The following SEZ6L variants were observed in gnomAD, a reference collection of about 807,000 sequenced individuals.
The protein encoded by SEZ6L is seizure 6-like protein.
A neutral mutation model predicts 106.2 loss-of-function variants in SEZ6L; 37 were observed. The ratio of observed to expected loss-of-function variants is 0.35; its 90% CI spans 0.27 to 0.46. The LOEUF (loss-of-function observed/expected upper bound fraction) is 0.46. SEZ6L is among the 20% of genes least tolerant of loss of function. The probability of loss-of-function intolerance (pLI) is 1.00; values close to 1 mark genes in which losing one functional copy is unlikely to be tolerated. For missense variants in SEZ6L, 1,172 were observed against 1,332.8 expected (o/e 0.88, Z 1.88); for synonymous variants, 541 against 570.4 (o/e 0.95, Z 0.73).
intron 8 of SEZ6L, among the ~76,000 whole-genome samples, 183 bp downstream of exon 8, chr22:26,312,145 A>G (rs1399047991): frequency 1.3e-5 from 2 of 152,128 alleles, no homozygotes; most frequent in Non-Finnish European, 2.9e-5. Context: ...AAAATTACAA[A>G]ATGGGTGAAT....
chr22:26,179,596 G>A (rs956247599), intron 1 of SEZ6L, among the ~76,000 whole-genome samples: 8 of 152,136 alleles, frequency 5.3e-5, no homozygotes, highest in Non-Finnish European at 1.2e-4. Flanking sequence ...GTATTTTGTT[G>A]TAGAAGCCAA....
chr22:26,233,932 C>T (rs2078878770), intron 1 of SEZ6L, among the ~76,000 whole-genome samples: 2 of 152,124 alleles, frequency 1.3e-5, no homozygotes, highest in African/African-American at 4.8e-5. Context: ...AAGGCAAGCA[C>T]CAGATGGAGG....
rs761891058 is a variant in SEZ6L at position 26,340,449 on chromosome 22, A to G, written c.2029A>G (p.Asn677Asp). ...CTGCCCTCCAAGCCTGAATCTGAGC[A>G]ACAGTGACATCTTGACCATCTACGA... ...FLDIQFLNLS[N>D]SDILTIYDGD... Residue 677 changes from asparagine (N) to aspartate (D), a missense_variant, in exon 10 of 17, where the codon AAC becomes GAC. Coordinates refer to ENST00000248933, the MANE Select transcript of SEZ6L (RefSeq NM_021115.5). 9.3e-6 allele frequency: 15 copies of G among 1,612,838 alleles called. No homozygotes were observed. Among genetic ancestry groups the G allele is most frequent in the Non-Finnish European group, 1.2e-5 (14 of 1,179,520 alleles).
In SEZ6L at chr22:26,311,955, G is replaced by A. The variant is rs755308506; in HGVS notation, c.1869G>A (p.Leu623=). ...RDPYWNDTEP[L]CRAMCGGELS... ...CATACTGGAATGACACAGAGCCCCT[G>A]TGCAGAGGTGAGCGGATCCACAACG... Residue 623 remains leucine (L), a synonymous_variant, in exon 8 of 17, where the codon CTG becomes CTA. Coordinates refer to ENST00000248933, the MANE Select transcript of SEZ6L (RefSeq NM_021115.5). The A allele has an allele frequency of 4.6e-5, 74 of 1,613,676 alleles. No individual in the cohort carries two copies. Among genetic ancestry groups the A allele is most frequent in the African/African-American group, 6.7e-5 (5 of 74,832 alleles).
chr22:26,197,165 T>A (rs1940636398), intron 1 of SEZ6L, among the ~76,000 whole-genome samples: 2 of 151,552 alleles, frequency 1.3e-5, no homozygotes, highest in African/African-American at 4.9e-5. Flanking sequence ...TTTTTTTTTC[T>A]TGTTATTTAT....
intron 1 of SEZ6L, among the ~76,000 whole-genome samples, chr22:26,287,633 G>A (rs2080979922): frequency 6.6e-6 from 1 of 152,078 alleles, no homozygotes; most frequent in Non-Finnish European, 1.5e-5. Context: ...ATCATCATGG[G>A]GATATTCTGA....
chr22:26,344,051 A>G (rs2082931382), intron 10 of SEZ6L, among the ~76,000 whole-genome samples: 1 of 152,066 alleles, frequency 6.6e-6, no homozygotes, highest in South Asian at 2.1e-4. Context: ...CACAGATGTA[A>G]CTCCCATTCA....
intron 1 of SEZ6L, among the ~76,000 whole-genome samples, chr22:26,266,284 G>A (rs1569430532): frequency 1.3e-5 from 2 of 152,038 alleles, no homozygotes; most frequent in Admixed American, 6.5e-5. Flanking sequence ...AAAGCAGCTG[G>A]GCACGGTGGC....
chr22:26,225,219 A>G (rs1037383080), intron 1 of SEZ6L, among the ~76,000 whole-genome samples: 1 of 152,182 alleles, frequency 6.6e-6, no homozygotes, highest in Non-Finnish European at 1.5e-5. Context: ...GAACTCTGTT[A>G]GGCAGATGAC....
chr22:26,219,259 T>TTTTG (rs1334726896), intron 1 of SEZ6L, among the ~76,000 whole-genome samples: 3 of 151,350 alleles, frequency 2.0e-5, no homozygotes, highest in Non-Finnish European at 4.4e-5. Context: ...TACAAGTTTT[T>TTTTG]TTTTTTTTTT....
At chr22:26,230,673 G>A (rs1182894101) in intron 1 of SEZ6L, among the ~76,000 whole-genome samples, 2 of 152,232 alleles carry the variant, frequency 1.3e-5, no homozygotes, top group Non-Finnish European at 2.9e-5. Flanking sequence ...GTGGCCAGAT[G>A]AGGCTTCAGT....
chr22:26,339,076 A>G (rs1019702012), intron 9 of SEZ6L, among the ~76,000 whole-genome samples: 10 of 151,726 alleles, frequency 6.6e-5, no homozygotes, highest in African/African-American at 2.2e-4. Flanking sequence ...AGCATCACCT[A>G]CTGCAGGAAT....
chr22:26,239,613 C>A (rs948875312), intron 1 of SEZ6L, among the ~76,000 whole-genome samples: 1 of 152,108 alleles, frequency 6.6e-6, no homozygotes, highest in East Asian at 1.9e-4. Context: ...CAAGATGAGA[C>A]CCCAGACCCC....
chr22:26,183,661 C>T (rs1197728499), intron 1 of SEZ6L, among the ~76,000 whole-genome samples: 1 of 152,216 alleles, frequency 6.6e-6, no homozygotes, highest in Non-Finnish European at 1.5e-5. Flanking sequence ...CTGAGAGCGA[C>T]GTTGCTGCCT....
chr22:26,314,533 T>A (rs2081944281), intron 9 of SEZ6L, among the ~76,000 whole-genome samples: 1 of 152,152 alleles, frequency 6.6e-6, no homozygotes, highest in Admixed American at 6.5e-5. Flanking sequence ...CTGACTACCC[T>A]CTGTTTCCAC....
intron 1 of SEZ6L, among the ~76,000 whole-genome samples, chr22:26,213,010 C>G (rs1268811619): frequency 1.3e-5 from 2 of 152,172 alleles, no homozygotes; most frequent in Non-Finnish European, 2.9e-5. Context: ...GTTATCAGAA[C>G]CAAAGCCCAG....
chr22:26,291,954 G>T (rs1176180098), intron 1 of SEZ6L, among the ~76,000 whole-genome samples: 2 of 150,206 alleles, frequency 1.3e-5, no homozygotes, highest in East Asian at 3.9e-4. Flanking sequence ...GTCCTGGCAT[G>T]ATCAAGCCCA....
chr22:26,316,213 A>G (rs977468814), intron 9 of SEZ6L, among the ~76,000 whole-genome samples: 3 of 152,166 alleles, frequency 2.0e-5, no homozygotes, highest in Admixed American at 6.5e-5. Context: ...TATGTGCTGG[A>G]AAGGTTCTAA....
chr22:26,302,483 T>C (rs2081487194), intron 5 of SEZ6L, among the ~76,000 whole-genome samples: 1 of 152,188 alleles, frequency 6.6e-6, no homozygotes, highest in Non-Finnish European at 1.5e-5. Context: ...TGCCAGGCTA[T>C]GAGCCATGTG....
Sources: gnomAD v4.1 joint callset for allele counts (sites outside exome capture counted in the v4.1 genomes callset) on GRCh38, gnomAD v4.1.1 for gene constraint, MANE v1.5 for transcripts, NCBI Gene and HGNC (gene_info 2026-07-23, HGNC 2026-07-21) for gene names.